Variants in VASP observed in about 807,000 individuals in gnomAD.
The protein encoded by VASP is vasodilator stimulated phosphoprotein.
A neutral mutation model predicts 54.4 loss-of-function variants in VASP; 27 were observed. The ratio of observed to expected loss-of-function variants is 0.50; its 90% CI spans 0.37 to 0.68. The LOEUF (loss-of-function observed/expected upper bound fraction) is 0.68. Among genes scored for constraint, VASP ranks in the 30% least tolerant of loss-of-function variants. The probability of loss-of-function intolerance (pLI) is 0.00; values close to 1 mark genes in which losing one functional copy is unlikely to be tolerated. For missense variants in VASP, 488 were observed against 528.3 expected (o/e 0.92, Z 0.75); for synonymous variants, 233 against 209.8 (o/e 1.11, Z -0.96).
chr19:45,524,305 G>T lies in VASP; in HGVS notation c.956+163G>T, dbSNP rs1968912133. ...TGGTCCCAGCTACTCAGGAGGCTGA[G>T]GTGGGAGGATTACTTGAGCCCAGGA... On this transcript the variant is annotated intron_variant, in intron 10 of 12. Transcript: ENST00000245932. 5 of 838,306 alleles carry T rather than the reference G, an allele frequency of 6.0e-6. No homozygotes were observed. In the South Asian group the frequency reaches 7.4e-5, roughly 12 times the overall value. 51.9% of individuals were successfully genotyped at this position (838,306 alleles called of 1,614,324 possible). A position where few individuals can be genotyped will look rare whatever the true frequency, so the allele number is the denominator to read the frequency against.
In VASP at chr19:45,522,721, G is replaced by T; in HGVS notation, c.724G>T (p.Glu242Ter). 1 of 1,604,286 alleles carries T rather than the reference G, an allele frequency of 6.2e-7. No individual in the cohort carries two copies. Among genetic ancestry groups the T allele is most frequent in the Non-Finnish European group, 8.5e-7 (1 of 1,177,576 alleles). ...GAKLRKVSKQ[E>*]EASGGPTAPK... ...TGCCCCTTTTAAATTTCTCCAGCAGGAGGAGGCCTCAGGGGGGCCCACAGC... is the reference window on the plus strand; with the variant it reads ...TGCCCCTTTTAAATTTCTCCAGCAGTAGGAGGCCTCAGGGGGGCCCACAGC... Residue 242 changes from glutamate to a stop codon, truncating the protein, a stop_gained, in exon 7 of 13, where the codon GAG becomes TAG. Coordinates refer to ENST00000245932, the MANE Select transcript of VASP (RefSeq NM_003370.4). LOFTEE classifies it high-confidence loss of function.
At chr19:45,525,811 A>T in intron 11 of VASP, 135 bp from the exon 12 acceptor site, 1 of 806,860 alleles carries the variant, frequency 1.2e-6, no homozygotes, top group Non-Finnish European at 2.0e-6. Flanking sequence ...TGAGGCTGCA[A>T]TGAGCTGTGA....
rs202205375 is a variant in VASP, at chr19:45,526,164, G to A, written c.1130G>A (p.Arg377Gln). The part of the protein sequence containing the change: ...IEAFVQELRK[R>Q]GSP Reference sequence around the variant, plus strand: ...GCCTTCGTCCAGGAGCTGAGGAAGCGGGGTTCTCCCTGACCACAGGGACCC... The same window carrying A: ...GCCTTCGTCCAGGAGCTGAGGAAGCAGGGTTCTCCCTGACCACAGGGACCC... Residue 377 changes from arginine to glutamine, a missense_variant, in exon 13 of 13, where the codon CGG becomes CAG. This residue lies in a region of VASP where 126 missense variants were observed against 134.8 expected (regional missense o/e 0.94). Coordinates refer to ENST00000245932, the MANE Select transcript of VASP (RefSeq NM_003370.4). 52 of 1,613,090 alleles carry A rather than the reference G, an allele frequency of 3.2e-5. No homozygotes were observed. In the South Asian group the frequency reaches 4.1e-4, roughly 13 times the overall value.
chr19:45,524,070 TC>T (rs1968906035), intron 9 of VASP, 26 bp from the exon 10 acceptor site: 5 of 1,613,890 alleles, frequency 3.1e-6, no homozygotes, highest in Admixed American at 3.3e-5. Flanking sequence ...TTGTCCCTGA[TC>T]TTTCTGATTT....
At position 45,522,593 on chromosome 19, in the gene VASP, G is replaced by T; in HGVS notation, c.720+12G>T. ...GGAAAGTCAGCAAGGTGAGGGGCCG[G>T]GAGAGGTGGGCAGGGGGCAACAGGG... On this transcript the variant is annotated intron_variant, in intron 6 of 12. Transcript: ENST00000245932. 1 of 1,483,954 alleles carries T rather than the reference G, an allele frequency of 6.7e-7. No homozygotes were observed. The highest frequency in any genetic ancestry group is 2.4e-5 in the East Asian group (1 of 42,172). 91.9% of individuals were successfully genotyped at this position (1,483,954 alleles called of 1,614,324 possible).
chr19:45,525,854 G>A (rs368099411), intron 11 of VASP, 92 bp from the exon 12 acceptor site: 27 of 1,309,646 alleles, frequency 2.1e-5, no homozygotes, highest in South Asian at 1.3e-4. Flanking sequence ...GGGCAACAGA[G>A]CAAGGTTCCT....
rs939569783 is a variant in VASP, at chr19:45,517,828, C to T, written c.171C>T (p.Asp57=). ...TCGTGGGCCGGAAGATGCAGCCCGA[C>T]CAGCAGGTGCAGCTTCCCGCCGGCC... ...FRVVGRKMQP[D]QQVVINCAIV... is the part of the protein sequence containing the mutation. Residue 57 remains aspartate, a synonymous_variant, in exon 2 of 13, where the codon GAC becomes GAT. Transcript: ENST00000245932. The T allele has an allele frequency of 1.5e-5, 24 of 1,613,240 alleles. No individual in the cohort carries two copies. The highest frequency in any genetic ancestry group is 2.0e-5 in the Non-Finnish European group (24 of 1,179,860).
intron 3 of VASP, among the ~76,000 whole-genome samples, chr19:45,519,922 T>TTTTTTTA (rs57222956): frequency 0.024 from 2,499 of 102,208 alleles, 251 homozygotes; most frequent in Non-Finnish European, 0.034. Flanking sequence ...TTTTTTTTTT[T>TTTTTTTA]AATATGGAGT....
chr19:45,525,488 C>CA (rs1040876919), intron 11 of VASP, among the ~76,000 whole-genome samples: 1 of 152,134 alleles, frequency 6.6e-6, no homozygotes, highest in African/African-American at 2.4e-5. Context: ...CACGTGAAGT[C>CA]AAAAGTTCGA....
At chr19:45,525,623 G>C (rs534218236) in intron 11 of VASP, among the ~76,000 whole-genome samples, 9 of 152,116 alleles carry the variant, frequency 5.9e-5, no homozygotes, top group Non-Finnish European at 1.2e-4. Context: ...GCTTGAACCC[G>C]GGAGCCAGAG....
rs772733903 is a variant in VASP at position 45,522,166 on chromosome 19, A to C, written c.429-2A>C. 3 of 1,613,718 alleles carry C rather than the reference A, an allele frequency of 1.9e-6. No individual in the cohort carries two copies. On this transcript the variant is annotated splice_acceptor_variant, in intron 4 of 12. Coordinates refer to ENST00000245932, the MANE Select transcript of VASP (RefSeq NM_003370.4). LOFTEE classifies it high-confidence loss of function. ...CGGCAGCTCTCTCGCCTCCCCCCAC[A>C]GGCAGCAGCCCGGCCCGTCGGAGCA... is the stretch of plus-strand genomic sequence containing the variant.
In VASP at chr19:45,522,520, G is replaced by T; in HGVS notation, c.659G>T (p.Gly220Val). 6.9e-7 allele frequency: 1 copy of T among 1,456,522 alleles called. No homozygotes were observed. The highest frequency in any genetic ancestry group is 2.3e-4 in the Middle Eastern group (1 of 4,372). The allele number at this position is 1,456,522 out of a possible 1,614,324, so 90.2% of individuals were successfully genotyped here. A position where few individuals can be genotyped will look rare whatever the true frequency, so the allele number is the denominator to read the frequency against. ...GCAGCACAGGGCCCTGGTGGTGGGGGAGCTGGGGCCCCAGGCCTGGCCGCA... is the reference window on the plus strand; with the variant it reads ...GCAGCACAGGGCCCTGGTGGTGGGGTAGCTGGGGCCCCAGGCCTGGCCGCA... ...LPAAQGPGGG[G>V]AGAPGLAAAI... The change falls in exon 6 of 13, where the codon GGA becomes GTA. Residue 220 changes from glycine to valine, a missense_variant. Coordinates refer to ENST00000245932, the MANE Select transcript of VASP (RefSeq NM_003370.4).
At chr19:45,508,450 T>G (rs1179372525) in intron 1 of VASP, among the ~76,000 whole-genome samples, 1 of 151,790 alleles carries the variant, frequency 6.6e-6, no homozygotes, top group African/African-American at 2.4e-5. Context: ...TAACTGGCCG[T>G]GCCTAGGACC....
Position 45,526,320 on chromosome 19 carries a change from C to T in VASP, c.*143C>T, listed in dbSNP as rs893499855. On this transcript the variant is annotated 3_prime_UTR_variant, in exon 13 of 13. Coordinates refer to ENST00000245932, the MANE Select transcript of VASP (RefSeq NM_003370.4). Reference sequence around the variant, plus strand: ...ACTCCCCATCCCACTTGGAAAACTCCAAGGGGGTGTGGCTTCCCTGCTCAC... The same window carrying T: ...ACTCCCCATCCCACTTGGAAAACTCTAAGGGGGTGTGGCTTCCCTGCTCAC... 9.3e-7 allele frequency: 1 copy of T among 1,073,170 alleles called. No homozygotes were observed. Among genetic ancestry groups the T allele is most frequent in the Non-Finnish European group, 1.3e-6 (1 of 777,840 alleles). 66.5% of individuals were successfully genotyped at this position (1,073,170 alleles called of 1,614,324 possible).
At chr19:45,516,956 C>T (rs1968713178) in intron 1 of VASP, among the ~76,000 whole-genome samples, 1 of 89,486 alleles carries the variant, frequency 1.1e-5, no homozygotes, top group African/African-American at 4.8e-5. Context: ...CCGAGGACAG[C>T]CCGGGTGACA....
chr19:45,526,552 AG>A lies in VASP; in HGVS notation c.*376del, dbSNP rs199523847. The A allele has an allele frequency of 3.5e-3, 580 of 164,248 alleles. 5 individuals are homozygous for A. Among genetic ancestry groups the A allele is most frequent in the African/African-American group, 0.012 (521 of 41,850 alleles). The allele number at this position is 164,248 out of a possible 1,614,324, so 10.2% of individuals were successfully genotyped here. On this transcript the variant is annotated 3_prime_UTR_variant, in exon 13 of 13. Coordinates refer to ENST00000245932, the MANE Select transcript of VASP (RefSeq NM_003370.4). ...TGCCTTCAAAGTTTTGGTTTTTTTA[AG>A]AAAAAAAAATATATATATATTTGGG...
chr19:45,517,914 T>G lies in VASP; in HGVS notation c.178-15T>G. 6.6e-7 allele frequency: 1 copy of G among 1,526,102 alleles called. No homozygotes were observed. Among genetic ancestry groups the G allele is most frequent in the Non-Finnish European group, 8.9e-7 (1 of 1,123,768 alleles). 94.5% of individuals were successfully genotyped at this position (1,526,102 alleles called of 1,614,324 possible). A position where few individuals can be genotyped will look rare whatever the true frequency, so the allele number is the denominator to read the frequency against. ...TGCGCCCGCCGCCCCTCACCCCCCT[T>G]TCCCCTCCCACCAGGTGGTCATCAA... On this transcript the variant is annotated splice_polypyrimidine_tract_variant and intron_variant, in intron 2 of 12. Coordinates refer to ENST00000245932, the MANE Select transcript of VASP (RefSeq NM_003370.4).
At chr19:45,516,064 A>C (rs2122302555) in intron 1 of VASP, among the ~76,000 whole-genome samples, 1 of 152,310 alleles carries the variant, frequency 6.6e-6, no homozygotes, top group South Asian at 2.1e-4. Context: ...AGGCTAAGTC[A>C]GACGTTGCCT....
At chr19:45,521,456 ATGTTC>A in intron 4 of VASP, 50 bp downstream of exon 4, 1 of 1,447,350 alleles carries the variant, frequency 6.9e-7, no homozygotes. Flanking sequence ...AGAGTTCCAT[ATGTTC>A]TGGAACCCTT....
Sources: gnomAD v4.1 joint callset for allele counts (sites outside exome capture counted in the v4.1 genomes callset) on GRCh38, gnomAD v4.1.1 for gene constraint, gnomAD v4.1.1 regional missense constraint, MANE v1.5 for transcripts, NCBI Gene and HGNC (gene_info 2026-07-23, HGNC 2026-07-21) for gene names.